Variants in RCOR1 observed in about 807,000 individuals in gnomAD.
RCOR1 encodes the protein REST corepressor 1, also known as REST corepressor.
RCOR1 carries 12 observed loss-of-function variants against 64.0 expected under a neutral mutation model. The ratio of observed to expected loss-of-function variants is 0.19; its 90% CI spans 0.12 to 0.30. The LOEUF is 0.30. Ranked by LOEUF, RCOR1 falls within the 10% of genes least tolerant of loss-of-function variation. RCOR1 has a pLI of 1.00. For missense variants in RCOR1, 502 were observed against 621.2 expected (o/e 0.81, Z 2.04); for synonymous variants, 279 against 227.2 (o/e 1.23, Z -2.05).
At position 102,722,177 on chromosome 14, in the gene RCOR1, AC is replaced by A. The variant is rs1896180351; in HGVS notation, c.1190-9del. The A allele has an allele frequency of 1.2e-6, 2 of 1,604,328 alleles. No homozygotes were observed. Among genetic ancestry groups the A allele is most frequent in the Non-Finnish European group, 1.7e-6 (2 of 1,171,586 alleles). ...CTTGTATTTTAAAAAATGCTTTCTTACATCCTTAGCCATCAGGAAATATGGC... is the reference window on the plus strand; with the variant it reads ...CTTGTATTTTAAAAAATGCTTTCTTAATCCTTAGCCATCAGGAAATATGGC... On this transcript the variant is annotated splice_polypyrimidine_tract_variant and intron_variant, in intron 10 of 11. Transcript: ENST00000262241.
At position 102,628,802 on chromosome 14, in the gene RCOR1, C is replaced by T. The variant is rs897940542; in HGVS notation, c.361+35477C>T. Among the ~76,000 whole-genome samples the T allele has an allele frequency of 3.3e-5, 5 of 152,218 alleles. No individual in the cohort carries two copies. The South Asian group carries it at 6.2e-4, about 19-fold the overall frequency. The stretch of plus-strand genomic sequence containing the variant: ...CTCCTGACCTCAAGTGATCCACCCA[C>T]TTCGGCCTCCCAAAGTGCTGGGATT... On this transcript the variant is annotated intron_variant, in intron 2 of 11. Coordinates refer to ENST00000262241, the MANE Select transcript of RCOR1 (RefSeq NM_015156.4).
intron 2 of RCOR1, among the ~76,000 whole-genome samples, chr14:102,656,629 G>A (rs1291486149): frequency 6.6e-6 from 1 of 150,590 alleles, no homozygotes; most frequent in Non-Finnish European, 1.5e-5. Context: ...CCATATACCT[G>A]GCTGATTTTT....
chr14:102,687,350 G>C (rs189598662), intron 3 of RCOR1, among the ~76,000 whole-genome samples: 1 of 152,172 alleles, frequency 6.6e-6, no homozygotes, highest in Non-Finnish European at 1.5e-5. Context: ...TAGATCTCTT[G>C]TCTCCAGACA....
intron 4 of RCOR1, among the ~76,000 whole-genome samples, chr14:102,706,347 A>G (rs145859836): frequency 0.01 from 1,556 of 152,210 alleles, 16 homozygotes; most frequent in Admixed American, 0.015. Flanking sequence ...TAGTTCCAAA[A>G]ACACAATTTT....
At chr14:102,725,728 A>G (rs1472000447) in intron 11 of RCOR1, among the ~76,000 whole-genome samples, 1 of 152,072 alleles carries the variant, frequency 6.6e-6, no homozygotes, top group East Asian at 1.9e-4. Context: ...GGTGTGCGCC[A>G]CCACGCACGG....
At chr14:102,660,581 G>A (rs1318584420) in intron 2 of RCOR1, among the ~76,000 whole-genome samples, 2 of 152,130 alleles carry the variant, frequency 1.3e-5, no homozygotes, top group Non-Finnish European at 2.9e-5. Context: ...TGTTTCCTAG[G>A]CTGATCTCTA....
chr14:102,604,116 T>C (rs1893456151), intron 2 of RCOR1, among the ~76,000 whole-genome samples: 1 of 152,202 alleles, frequency 6.6e-6, no homozygotes, highest in Admixed American at 6.5e-5. Context: ...ATTGACAATT[T>C]TTTTTGTTGA....
chr14:102,679,474 C>CT (rs1170179589), intron 2 of RCOR1, among the ~76,000 whole-genome samples: 18 of 148,976 alleles, frequency 1.2e-4, no homozygotes, highest in East Asian at 1.9e-4. Context: ...ATTTATTTCC[C>CT]TTTTTTTTTC....
At chr14:102,695,848 G>A (rs1332812922) in intron 3 of RCOR1, among the ~76,000 whole-genome samples, 1 of 151,704 alleles carries the variant, frequency 6.6e-6, no homozygotes, top group Non-Finnish European at 1.5e-5. Flanking sequence ...TGCGCCCAGT[G>A]CATAGAGGTC....
chr14:102,658,105 A>G (rs975167782), intron 2 of RCOR1: 4 of 239,854 alleles, frequency 1.7e-5, no homozygotes, highest in African/African-American at 4.7e-5. Context: ...CTCCCAAGTA[A>G]TTGGGATTAC....
intron 2 of RCOR1, chr14:102,651,291 A>G (rs143781880): frequency 0.023 from 3,558 of 154,738 alleles, 131 homozygotes; most frequent in African/African-American, 0.076. Context: ...GTGGTGGCCC[A>G]CGCCTGTAAT....
chr14:102,620,512 A>C (rs1893852754), intron 2 of RCOR1, among the ~76,000 whole-genome samples: 1 of 152,162 alleles, frequency 6.6e-6, no homozygotes, highest in South Asian at 2.1e-4. Flanking sequence ...GGTTGTGGTG[A>C]GCCGAGATCG....
At chr14:102,701,495 A>T (rs1409134562) in intron 4 of RCOR1, among the ~76,000 whole-genome samples, 165 bp downstream of exon 4, 1 of 152,184 alleles carries the variant, frequency 6.6e-6, no homozygotes, top group African/African-American at 2.4e-5. Context: ...TTCTTGTTCA[A>T]GATGAATATT....
At chr14:102,711,666 CAGAG>C (rs965070404) in intron 7 of RCOR1, among the ~76,000 whole-genome samples, 39 of 152,140 alleles carry the variant, frequency 2.6e-4, no homozygotes, top group African/African-American at 7.5e-4. Flanking sequence ...AAAAATTTCT[CAGAG>C]AGTTCTCTCT....
chr14:102,655,809 C>T (rs1220823517), intron 2 of RCOR1, among the ~76,000 whole-genome samples: 1 of 151,948 alleles, frequency 6.6e-6, no homozygotes, highest in Non-Finnish European at 1.5e-5. Context: ...AAAAATTAGC[C>T]GGGTGTGGTC....
chr14:102,680,051 C>A (rs1292682002), intron 2 of RCOR1, among the ~76,000 whole-genome samples: 1 of 152,146 alleles, frequency 6.6e-6, no homozygotes. Context: ...TCTATTTCTT[C>A]ATCTTCTTAG....
chr14:102,712,028 T>C (rs1211560639), intron 7 of RCOR1, among the ~76,000 whole-genome samples: 1 of 152,148 alleles, frequency 6.6e-6, no homozygotes, highest in Non-Finnish European at 1.5e-5. Context: ...TTTTTTCTTT[T>C]TTGAGACAGG....
chr14:102,669,626 G>A (rs1256554385), intron 2 of RCOR1, among the ~76,000 whole-genome samples: 2 of 152,142 alleles, frequency 1.3e-5, no homozygotes, highest in Admixed American at 6.6e-5. Context: ...TAGGTGTGAT[G>A]TTGGGCAGCT....
intron 3 of RCOR1, among the ~76,000 whole-genome samples, chr14:102,690,563 C>T (rs1895511868): frequency 6.6e-6 from 1 of 151,972 alleles, no homozygotes; most frequent in Non-Finnish European, 1.5e-5. Flanking sequence ...TGCACTCCAG[C>T]CTGGGCAACA....
Sources: gnomAD v4.1 joint callset for allele counts (sites outside exome capture counted in the v4.1 genomes callset) on GRCh38, gnomAD v4.1.1 for gene constraint, MANE v1.5 for transcripts, NCBI Gene and HGNC (gene_info 2026-07-23, HGNC 2026-07-21) for gene names.